Variants in VPS53 observed in about 807,000 individuals in gnomAD.
The protein encoded by VPS53 is VPS53 subunit of GARP complex, also known as vacuolar protein sorting-associated protein 53 homolog.
Under a neutral mutation model 107.0 loss-of-function variants are expected in VPS53, and 70 were observed. The ratio of observed to expected loss-of-function variants is 0.65; its 90% CI spans 0.54 to 0.80. The LOEUF is 0.80. Ranked by LOEUF, VPS53 falls within the 30% of genes least tolerant of loss-of-function variation. The pLI, the probability that VPS53 is intolerant of heterozygous loss-of-function variation, is 0.00. For missense variants in VPS53, 917 were observed against 1,049.4 expected, an observed-to-expected ratio of 0.87 and a Z score of 1.74; for synonymous variants, 409 against 393.3, an observed-to-expected ratio of 1.04 and a Z score of -0.47.
In VPS53 at chr17:644,576, T is replaced by C. The variant is rs1227124299; in HGVS notation, c.608+8715A>G. ...TAAGAAGTTGTCTCCTCTTGTGCTC[T>C]TTTTAGTGTTATTTTTTTTTTTCCC... On this transcript the variant is annotated intron_variant, in intron 7 of 21. Coordinates refer to ENST00000437048, the MANE Select transcript of VPS53 (RefSeq NM_001128159.3). Among the ~76,000 whole-genome samples, 4 of 144,722 alleles carry C rather than the reference T, an allele frequency of 2.8e-5. No homozygotes were observed. In the East Asian group the frequency reaches 7.8e-4, roughly 28 times the overall value. 94.9% of individuals were successfully genotyped at this position (144,722 alleles called of 152,430 possible).
At chr17:580,375 A>G (rs1966935778) in intron 13 of VPS53, among the ~76,000 whole-genome samples, 2 of 145,518 alleles carry the variant, frequency 1.4e-5, no homozygotes, top group Non-Finnish European at 3.0e-5. Context: ...GAATTCCCAG[A>G]GAACTTCCCT....
intron 4 of VPS53, among the ~76,000 whole-genome samples, chr17:680,636 C>T (rs73281401): frequency 0.034 from 5,108 of 152,072 alleles, 281 homozygotes; most frequent in African/African-American, 0.11. Flanking sequence ...AAGATCTCTC[C>T]TTAACAGTCA....
At chr17:626,247 C>A (rs1288885767) in intron 10 of VPS53, among the ~76,000 whole-genome samples, 2 of 151,678 alleles carry the variant, frequency 1.3e-5, no homozygotes, top group Non-Finnish European at 2.9e-5. Context: ...TTAGCTTTGT[C>A]ATAGATATAC....
chr17:688,400 C>G (rs527470532), intron 4 of VPS53, among the ~76,000 whole-genome samples: 1 of 152,176 alleles, frequency 6.6e-6, no homozygotes, highest in Non-Finnish European at 1.5e-5. Flanking sequence ...CCCAGCCCTG[C>G]AGAAATGTGA....
intron 5 of VPS53, among the ~76,000 whole-genome samples, chr17:658,264 A>G (rs1347820338): frequency 8.2e-6 from 1 of 121,378 alleles, no homozygotes; most frequent in East Asian, 2.2e-4. Context: ...ATAACATCCC[A>G]CTAAAGTGAG....
At chr17:617,437 T>C (rs1475756258) in intron 11 of VPS53, among the ~76,000 whole-genome samples, 1 of 152,254 alleles carries the variant, frequency 6.6e-6, no homozygotes, top group Non-Finnish European at 1.5e-5. Context: ...AGTCTCACTT[T>C]GTCACCCAGA....
At chr17:542,901 C>A (rs566461706) in intron 17 of VPS53, among the ~76,000 whole-genome samples, 1 of 151,564 alleles carries the variant, frequency 6.6e-6, no homozygotes, top group Admixed American at 6.6e-5. Context: ...TCACTTGAAC[C>A]TGGGAGGCGG....
chr17:669,592 TAAAA>T (rs200157618), intron 4 of VPS53, among the ~76,000 whole-genome samples: 2 of 110,234 alleles, frequency 1.8e-5, no homozygotes, highest in South Asian at 7.1e-4. Flanking sequence ...TACTCTGTCT[TAAAA>T]AAAAAAAAAA....
intron 11 of VPS53, among the ~76,000 whole-genome samples, chr17:605,930 G>A (rs1968554025): frequency 6.6e-6 from 1 of 152,116 alleles, no homozygotes; most frequent in Non-Finnish European, 1.5e-5. Flanking sequence ...GCGAAGTGAT[G>A]TGATCTAATT....
rs377300033 is a variant in VPS53 at position 614,871 on chromosome 17, A to G, written c.1116+8662T>C. Among the ~76,000 whole-genome samples, 15 of 152,340 alleles carry G rather than the reference A, an allele frequency of 9.8e-5. 2 individuals are homozygous for G. Among genetic ancestry groups the G allele is most frequent in the African/African-American group, 3.6e-4 (15 of 41,580 alleles). On this transcript the variant is annotated intron_variant, in intron 11 of 21. Transcript: ENST00000437048. The stretch of plus-strand genomic sequence containing the variant: ...AAGGACAAGTCTGTTTCAAAAGGCA[A>G]CTTATGCAGTGGTCAAGAGGAAGGG...
chr17:567,070 G>A (rs1913594883), intron 13 of VPS53, among the ~76,000 whole-genome samples: 1 of 152,004 alleles, frequency 6.6e-6, no homozygotes, highest in Non-Finnish European at 1.5e-5. Context: ...CCAGGCGTGA[G>A]CCAACGCGCC....
chr17:537,680 A>G (rs1018320891), intron 17 of VPS53: 1 of 153,134 alleles, frequency 6.5e-6, no homozygotes, highest in African/African-American at 2.4e-5. Flanking sequence ...ACTAGAAATG[A>G]TATGACACGT....
At chr17:679,044 A>G (rs942105450) in intron 4 of VPS53, among the ~76,000 whole-genome samples, 3 of 152,226 alleles carry the variant, frequency 2.0e-5, no homozygotes, top group Admixed American at 6.5e-5. Flanking sequence ...TAGAAGGAGC[A>G]TAAAGACAAC....
intron 7 of VPS53, among the ~76,000 whole-genome samples, chr17:651,692 G>A (rs948676748): frequency 3.3e-5 from 5 of 152,234 alleles, no homozygotes; most frequent in Admixed American, 6.5e-5. Context: ...AGAAGGCAGA[G>A]TCAGAAACGT....
chr17:607,121 A>G (rs1968623378), intron 11 of VPS53, among the ~76,000 whole-genome samples: 1 of 152,220 alleles, frequency 6.6e-6, no homozygotes, highest in Admixed American at 6.5e-5. Flanking sequence ...AGCAGTAATT[A>G]ATAGGGTGAG....
At chr17:657,303 C>T (rs1452511351) in intron 5 of VPS53, 1 of 789,376 alleles carries the variant, frequency 1.3e-6, no homozygotes, top group Non-Finnish European at 2.2e-6. Flanking sequence ...CTTGTCAATG[C>T]TGATGACATC....
At chr17:675,944 G>C (rs753458326) in intron 4 of VPS53, among the ~76,000 whole-genome samples, 5 of 151,972 alleles carry the variant, frequency 3.3e-5, no homozygotes, top group Non-Finnish European at 7.4e-5. Context: ...CAGAGTCTAC[G>C]ATGCAATACA....
chr17:641,981 C>A (rs532249181), intron 7 of VPS53, among the ~76,000 whole-genome samples: 1 of 152,308 alleles, frequency 6.6e-6, no homozygotes, highest in African/African-American at 2.4e-5. Flanking sequence ...CCAAGGCACC[C>A]TTTCCTAAAA....
At chr17:653,875 G>A (rs531662849) in intron 6 of VPS53, among the ~76,000 whole-genome samples, 13 of 152,192 alleles carry the variant, frequency 8.5e-5, no homozygotes, top group Non-Finnish European at 1.5e-4. Context: ...CAAAGGGTGC[G>A]GCCAGGCGCG....
Sources: gnomAD v4.1 joint callset for allele counts (sites outside exome capture counted in the v4.1 genomes callset) on GRCh38, gnomAD v4.1.1 for gene constraint, MANE v1.5 for transcripts, NCBI Gene and HGNC (gene_info 2026-07-23, HGNC 2026-07-21) for gene names.